The following SH3BGRL2 variants were observed in gnomAD, a reference collection of about 807,000 sequenced individuals.
SH3BGRL2 encodes the protein SH3 domain-binding glutamic acid-rich-like protein 2.
Under a neutral mutation model 14.8 loss-of-function variants are expected in SH3BGRL2, and 21 were observed. That is an observed-to-expected ratio of 1.42 (90% CI 1.01 to 2.05). SH3BGRL2 has a LOEUF of 2.05. SH3BGRL2 is among the 30% of genes most tolerant of loss of function. The pLI, the probability that SH3BGRL2 is intolerant of heterozygous loss-of-function variation, is 0.00. For synonymous variants in SH3BGRL2, 50 were observed against 47.8 expected (o/e 1.05, Z -0.19); for missense variants, 147 against 130.8 (o/e 1.12, Z -0.61).
At chr6:79,656,010 T>G (rs143211958) in intron 1 of SH3BGRL2, among the ~76,000 whole-genome samples, 9 of 152,330 alleles carry the variant, frequency 5.9e-5, no homozygotes, top group African/African-American at 1.9e-4. Context: ...GGGTATGGAC[T>G]TTTTTCTTCA....
chr6:79,578,238 C>T, the SH3BGRL2 span, among the ~76,000 whole-genome samples: 1 of 152,360 alleles, frequency 6.6e-6, no homozygotes, highest in East Asian at 1.9e-4. Flanking sequence ...ACTTAAATGT[C>T]CCTGTCTGAC....
chr6:79,617,594 G>T, the SH3BGRL2 span, among the ~76,000 whole-genome samples: 1 of 152,172 alleles, frequency 6.6e-6, no homozygotes, highest in Non-Finnish European at 1.5e-5. Context: ...CTCAAACTTT[G>T]CTGTGTTTGT....
intron 1 of SH3BGRL2, among the ~76,000 whole-genome samples, chr6:79,633,687 A>G (rs1283929509): frequency 1.3e-5 from 2 of 152,172 alleles, no homozygotes; most frequent in East Asian, 1.9e-4. Flanking sequence ...TTGTTTGTTC[A>G]GTCTCCTCAA....
At chr6:79,551,463 A>G in the SH3BGRL2 span, among the ~76,000 whole-genome samples, 13 of 152,186 alleles carry the variant, frequency 8.5e-5, no homozygotes, top group African/African-American at 3.1e-4. Context: ...ATTTTTTAAA[A>G]TAACATAATT....
At chr6:79,597,554 A>G in the SH3BGRL2 span, among the ~76,000 whole-genome samples, 48,530 of 152,030 alleles carry the variant, frequency 0.32, 8,060 homozygotes, top group Middle Eastern at 0.47. Context: ...TGCTGAGACA[A>G]CTGGAGATCC....
intron 2 of SH3BGRL2, among the ~76,000 whole-genome samples, chr6:79,685,654 TATA>T (rs1249148444): frequency 2.0e-4 from 31 of 151,892 alleles, no homozygotes; most frequent in African/African-American, 3.6e-4. Flanking sequence ...CTTTTGTAAC[TATA>T]ATAATTATAT....
chr6:79,666,837 T>C (rs532847302), intron 1 of SH3BGRL2, among the ~76,000 whole-genome samples: 45 of 152,340 alleles, frequency 3.0e-4, no homozygotes, highest in African/African-American at 1.0e-3. Flanking sequence ...AGCTGTGTGT[T>C]TGAAGTGTGA....
At chr6:79,584,335 C>T in the SH3BGRL2 span, among the ~76,000 whole-genome samples, 1 of 152,110 alleles carries the variant, frequency 6.6e-6, no homozygotes, top group Non-Finnish European at 1.5e-5. Flanking sequence ...AGCATGCATT[C>T]AGAGGCTTCC....
intron 1 of SH3BGRL2, among the ~76,000 whole-genome samples, chr6:79,648,623 T>C (rs547789040): frequency 2.4e-4 from 36 of 152,170 alleles, no homozygotes; most frequent in Middle Eastern, 3.4e-3. Context: ...CTTTGAGTTC[T>C]TAGTTCTTCA....
chr6:79,615,727 T>G, the SH3BGRL2 span, among the ~76,000 whole-genome samples: 1 of 151,880 alleles, frequency 6.6e-6, no homozygotes, highest in East Asian at 1.9e-4. Flanking sequence ...ACTATACCCA[T>G]CTAAATGCCA....
intron 1 of SH3BGRL2, among the ~76,000 whole-genome samples, chr6:79,668,867 G>A (rs187320764): frequency 1.8e-4 from 27 of 152,060 alleles, no homozygotes; most frequent in Admixed American, 1.4e-3. Flanking sequence ...TTCGCATCAG[G>A]GTCTAGAGAC....
the SH3BGRL2 span, among the ~76,000 whole-genome samples, chr6:79,545,084 A>C: frequency 6.6e-6 from 1 of 152,210 alleles, no homozygotes; most frequent in Non-Finnish European, 1.5e-5. Context: ...CAAATGCTGA[A>C]GTCGTCAAGC....
chr6:79,562,440 G>T, the SH3BGRL2 span, among the ~76,000 whole-genome samples: 1 of 152,192 alleles, frequency 6.6e-6, no homozygotes, highest in East Asian at 1.9e-4. Flanking sequence ...AGGTCATTTG[G>T]AATATTTTAG....
chr6:79,675,849 AT>A lies in SH3BGRL2; in HGVS notation c.231+2060del, dbSNP rs764823749. On this transcript the variant is annotated intron_variant, in intron 2 of 3. Coordinates refer to ENST00000369838, the MANE Select transcript of SH3BGRL2 (RefSeq NM_031469.4). ...AGTTGTGTTGTTCCTGTTTTCATTG[AT>A]TTTTTTTTTCACTTTGTTTTGGTTA... 1.8e-3 allele frequency among the ~76,000 whole-genome samples: 264 copies of A among 148,122 alleles called. 1 individual carries two copies. Among genetic ancestry groups the A allele is most frequent in the African/African-American group, 3.5e-3 (140 of 40,240 alleles).
In SH3BGRL2 at chr6:79,701,653, G is replaced by C. The variant is rs1338653070; in HGVS notation, c.*2144G>C. ...CAAAGAAATACAGGAGACCAGTCTC[G>C]AGTGGTGCTGTACTTGTTATGAGTG... On this transcript the variant is annotated 3_prime_UTR_variant, in exon 4 of 4. Transcript: ENST00000369838. The C allele has an allele frequency of 1.4e-5, 2 of 140,148 alleles. No homozygotes were observed. Among genetic ancestry groups the C allele is most frequent in the African/African-American group, 5.4e-5 (2 of 37,344 alleles). The allele number at this position is 140,148 out of a possible 1,614,324, so 8.7% of individuals were successfully genotyped here.
the SH3BGRL2 span, among the ~76,000 whole-genome samples, chr6:79,562,636 T>C: frequency 9.9e-5 from 15 of 152,216 alleles, no homozygotes; most frequent in Admixed American, 1.3e-4. Context: ...CATTCACTTA[T>C]ACTTTCAAGC....
chr6:79,584,532 A>G, the SH3BGRL2 span, among the ~76,000 whole-genome samples: 1 of 152,128 alleles, frequency 6.6e-6, no homozygotes, highest in Non-Finnish European at 1.5e-5. Flanking sequence ...ATAGTCCATG[A>G]TGCTCACCAG....
chr6:79,562,643 A>G, the SH3BGRL2 span, among the ~76,000 whole-genome samples: 1 of 152,188 alleles, frequency 6.6e-6, no homozygotes, highest in South Asian at 2.1e-4. Flanking sequence ...TTATACTTTC[A>G]AGCACAAGAA....
At chr6:79,555,476 C>T in the SH3BGRL2 span, among the ~76,000 whole-genome samples, 1 of 152,104 alleles carries the variant, frequency 6.6e-6, no homozygotes, top group Non-Finnish European at 1.5e-5. Context: ...TCTTAAACTG[C>T]ACTTGGATGC....
Sources: allele counts gnomAD v4.1 joint callset (sites outside exome capture counted in the v4.1 genomes callset), GRCh38; gene constraint gnomAD v4.1.1; transcripts MANE v1.5; gene names NCBI Gene and HGNC (gene_info 2026-07-23, HGNC 2026-07-21).